Variants in SAMD12 observed in about 807,000 individuals in gnomAD.
The protein encoded by SAMD12 is sterile alpha motif domain-containing protein 12.
Under a neutral mutation model 15.0 loss-of-function variants are expected in SAMD12, and 9 were observed. The ratio of observed to expected loss-of-function variants is 0.60; its 90% CI spans 0.36 to 1.05. The LOEUF (loss-of-function observed/expected upper bound fraction) is 1.05, where lower values mean the gene tolerates loss of function less well. Ranked by LOEUF, SAMD12 falls within the 50% of genes least tolerant of loss-of-function variation. The pLI is 0.01. For missense variants in SAMD12, 230 were observed against 234.2 expected (o/e 0.98, Z 0.12); for synonymous variants, 86 against 90.1 (o/e 0.96, Z 0.25).
At chr8:118,556,766 C>T (rs1420384812) in intron 2 of SAMD12, among the ~76,000 whole-genome samples, 2 of 151,908 alleles carry the variant, frequency 1.3e-5, no homozygotes, top group African/African-American at 2.4e-5. Context: ...AGTTTGAGAC[C>T]AGCCTGGCCA....
chr8:118,303,914 G>T (rs1222697863), intron 4 of SAMD12, among the ~76,000 whole-genome samples: 1 of 152,096 alleles, frequency 6.6e-6, no homozygotes, highest in East Asian at 1.9e-4. Flanking sequence ...TGCATTGTTG[G>T]CTATAAAAGC....
chr8:118,333,338 A>G (rs145467203), intron 4 of SAMD12, among the ~76,000 whole-genome samples: 1 of 152,242 alleles, frequency 6.6e-6, no homozygotes, highest in African/African-American at 2.4e-5. Context: ...ACCTCATTGA[A>G]AAACCCTTCT....
chr8:118,231,805 C>T (rs188721668), intron 4 of SAMD12, among the ~76,000 whole-genome samples: 7 of 152,096 alleles, frequency 4.6e-5, no homozygotes, highest in East Asian at 1.9e-4. Context: ...GCCCCAGCAT[C>T]GCTTGCAATT....
At chr8:118,459,922 T>C (rs937555946) in intron 2 of SAMD12, among the ~76,000 whole-genome samples, 3 of 152,120 alleles carry the variant, frequency 2.0e-5, no homozygotes, top group Non-Finnish European at 4.4e-5. Context: ...AACAACCCAG[T>C]GGTGACAAGT....
intron 2 of SAMD12, among the ~76,000 whole-genome samples, chr8:118,549,398 G>A (rs906336743): frequency 6.6e-5 from 10 of 152,214 alleles, no homozygotes; most frequent in African/African-American, 7.2e-5. Flanking sequence ...TGCAGACACC[G>A]CTGCTGATAA....
intron 3 of SAMD12, among the ~76,000 whole-genome samples, chr8:118,420,775 A>G (rs188037603): frequency 6.6e-6 from 1 of 152,330 alleles, no homozygotes; most frequent in East Asian, 1.9e-4. Flanking sequence ...CATTTTTAGA[A>G]AAGAATTCTA....
chr8:118,552,868 G>A (rs1465713114), intron 2 of SAMD12, among the ~76,000 whole-genome samples: 7 of 151,592 alleles, frequency 4.6e-5, no homozygotes, highest in Non-Finnish European at 1.0e-4. Context: ...AAAATCACAA[G>A]CATTCTTATA....
chr8:118,180,143 C>T, the SAMD12 span, among the ~76,000 whole-genome samples: 1 of 152,176 alleles, frequency 6.6e-6, no homozygotes, highest in Non-Finnish European at 1.5e-5. Context: ...ACAGGGCTAG[C>T]CAGCTTTGTA....
intron 2 of SAMD12, among the ~76,000 whole-genome samples, chr8:118,543,845 C>A (rs555526774): frequency 6.6e-6 from 1 of 152,164 alleles, no homozygotes; most frequent in East Asian, 1.9e-4. Flanking sequence ...TAGGCAAGCA[C>A]ACATTTCTAG....
chr8:118,183,009 A>G, the SAMD12 span, among the ~76,000 whole-genome samples: 7 of 152,332 alleles, frequency 4.6e-5, no homozygotes, highest in Admixed American at 3.9e-4. Context: ...TTTTTCGGAT[A>G]CTCTTAGAAG....
intron 2 of SAMD12, among the ~76,000 whole-genome samples, chr8:118,549,418 C>G (rs1826248765): frequency 6.6e-6 from 1 of 152,232 alleles, no homozygotes; most frequent in Non-Finnish European, 1.5e-5. Context: ...ACCAGGCAAA[C>G]AGGGTCTGGA....
chr8:118,418,036 A>G (rs938429896), intron 3 of SAMD12, among the ~76,000 whole-genome samples: 5 of 151,972 alleles, frequency 3.3e-5, no homozygotes, highest in Non-Finnish European at 7.4e-5. Context: ...TTCTTTTTTT[A>G]TATTCTTTCT....
chr8:118,210,921 C>T (rs1811800646), intron 4 of SAMD12, among the ~76,000 whole-genome samples: 1 of 152,200 alleles, frequency 6.6e-6, no homozygotes, highest in African/African-American at 2.4e-5. Flanking sequence ...ACCATCATCT[C>T]TTGATTGCTG....
At chr8:118,571,777 T>G (rs1031458553) in intron 2 of SAMD12, among the ~76,000 whole-genome samples, 3 of 152,182 alleles carry the variant, frequency 2.0e-5, no homozygotes, top group African/African-American at 7.2e-5. Flanking sequence ...TGGAAATGCC[T>G]GGATGTTCAG....
At chr8:118,278,108 C>T (rs1249644604) in intron 4 of SAMD12, among the ~76,000 whole-genome samples, 2 of 152,314 alleles carry the variant, frequency 1.3e-5, no homozygotes, top group African/African-American at 4.8e-5. Context: ...TAGTGGCAAG[C>T]AATTTTCATT....
chr8:118,573,647 A>G (rs1586829030), intron 2 of SAMD12, among the ~76,000 whole-genome samples: 1 of 152,290 alleles, frequency 6.6e-6, no homozygotes, highest in East Asian at 1.9e-4. Context: ...TCCCTTGTCC[A>G]TTGTGTGGCT....
chr8:118,259,393 C>T (rs181373324), intron 4 of SAMD12, among the ~76,000 whole-genome samples: 2 of 152,138 alleles, frequency 1.3e-5, no homozygotes, highest in Non-Finnish European at 2.9e-5. Flanking sequence ...CTGGGAATGG[C>T]AGTGGGGTAG....
intron 1 of SAMD12, among the ~76,000 whole-genome samples, chr8:118,594,176 G>T (rs1428458342): frequency 6.6e-6 from 1 of 151,770 alleles, no homozygotes; most frequent in Non-Finnish European, 1.5e-5. Context: ...GCTCCCAAAT[G>T]TCTTCCTAAA....
At chr8:118,461,250 C>T (rs562579220) in intron 2 of SAMD12, among the ~76,000 whole-genome samples, 2 of 152,348 alleles carry the variant, frequency 1.3e-5, no homozygotes, top group Admixed American at 6.5e-5. Flanking sequence ...TTCCATACTT[C>T]GCATGGTCTG....
Sources: gnomAD v4.1 joint callset for allele counts (sites outside exome capture counted in the v4.1 genomes callset) on GRCh38, gnomAD v4.1.1 for gene constraint, MANE v1.5 for transcripts, NCBI Gene and HGNC (gene_info 2026-07-23, HGNC 2026-07-21) for gene names.